The following ATP2C2 variants were observed in gnomAD, a reference collection of about 807,000 sequenced individuals.
ATP2C2 encodes ATPase secretory pathway Ca2+ transporting 2.
Under a neutral mutation model 110.8 loss-of-function variants are expected in ATP2C2, and 171 were observed. The ratio of observed to expected loss-of-function variants is 1.54; its 90% confidence interval spans 1.36 to 1.75. The LOEUF (loss-of-function observed/expected upper bound fraction) is 1.75. Ranked by LOEUF, ATP2C2 falls within the 40% of genes most tolerant of loss-of-function variation. ATP2C2 has a pLI of 0.00. For missense variants in ATP2C2, 1,963 were observed against 1,235.0 expected (o/e 1.59, Z -8.84); for synonymous variants, 804 against 508.4 (o/e 1.58, Z -7.82).
intron 11 of ATP2C2, among the ~76,000 whole-genome samples, chr16:84,438,140 G>T (rs1908911639): frequency 6.6e-6 from 1 of 152,154 alleles, no homozygotes; most frequent in African/African-American, 2.4e-5. Flanking sequence ...ATGGACATTT[G>T]GGTTGTCATA....
intron 3 of ATP2C2, among the ~76,000 whole-genome samples, chr16:84,405,741 G>A (rs969848963): frequency 3.9e-5 from 6 of 152,228 alleles, no homozygotes; most frequent in Middle Eastern, 3.4e-3. Flanking sequence ...CCAACATGGC[G>A]AAACCCCGTC....
chr16:84,370,370 C>A (rs1909881800), intron 1 of ATP2C2, among the ~76,000 whole-genome samples: 1 of 152,176 alleles, frequency 6.6e-6, no homozygotes, highest in African/African-American at 2.4e-5. Flanking sequence ...GCGGGTGATA[C>A]CAGCACTGAC....
chr16:84,408,467 G>T lies in ATP2C2; in HGVS notation c.390G>T (p.Glu130Asp), dbSNP rs2150523616. ...GSALVSVLTK[E>D]YEDAVSIATA... ...CCCTGGTGAGTGTCCTCACCAAGGA[G>T]TATGAGGACGCCGTCAGCATCGCCA... Residue 130 changes from glutamate (E) to aspartate (D), a missense_variant, in exon 4 of 27, where the codon GAG (glutamate) becomes GAT (aspartate). Physicochemically the swap from Glu to Asp is conservative, Grantham distance 45. Coordinates refer to ENST00000262429, the MANE Select transcript of ATP2C2 (RefSeq NM_014861.4). 3 of 1,613,616 alleles carry T rather than the reference G, an allele frequency of 1.9e-6. No homozygotes were observed. Among genetic ancestry groups the T allele is most frequent in the Non-Finnish European group, 2.5e-6 (3 of 1,179,968 alleles).
intron 2 of ATP2C2, chr16:84,404,689 C>G (rs1262504758): frequency 1.5e-5 from 5 of 337,508 alleles, no homozygotes; most frequent in Non-Finnish European, 2.9e-5. Flanking sequence ...GCCCCACTAG[C>G]AGTTCCTTTG....
chr16:84,429,144 TTTTGTTTG>T (rs201731171), intron 11 of ATP2C2, among the ~76,000 whole-genome samples: 1 of 106,126 alleles, frequency 9.4e-6, no homozygotes, highest in African/African-American at 3.4e-5. Flanking sequence ...GCGTTGTTTT[TTTTGTTTG>T]TTTGTTTGTT....
chr16:84,444,793 T>C (rs537207088), intron 15 of ATP2C2, among the ~76,000 whole-genome samples: 1 of 152,322 alleles, frequency 6.6e-6, no homozygotes, highest in African/African-American at 2.4e-5. Context: ...CTTAAGATTT[T>C]GGAATACAGA....
At chr16:84,412,905 G>T (rs1365986154) in intron 6 of ATP2C2, among the ~76,000 whole-genome samples, 2 of 151,446 alleles carry the variant, frequency 1.3e-5, no homozygotes, top group Admixed American at 6.6e-5. Flanking sequence ...AGACCAGCCT[G>T]GCCAACATGG....
At chr16:84,393,824 T>C (rs2151411659) in intron 1 of ATP2C2, among the ~76,000 whole-genome samples, 1 of 151,562 alleles carries the variant, frequency 6.6e-6, no homozygotes, top group Non-Finnish European at 1.5e-5. Flanking sequence ...TTCTAAGTGG[T>C]GGACGGAGTT....
At chr16:84,386,190 C>T (rs531882773) in intron 1 of ATP2C2, among the ~76,000 whole-genome samples, 1 of 152,154 alleles carries the variant, frequency 6.6e-6, no homozygotes, top group Non-Finnish European at 1.5e-5. Flanking sequence ...ATTTAGAAAG[C>T]AAGATCTGGT....
intron 11 of ATP2C2, among the ~76,000 whole-genome samples, chr16:84,426,288 G>C (rs1907810063): frequency 6.6e-6 from 1 of 152,044 alleles, no homozygotes; most frequent in East Asian, 1.9e-4. Context: ...GATCTCTCAG[G>C]AACTCACTCC....
chr16:84,406,302 A>G (rs1905761866), intron 3 of ATP2C2, among the ~76,000 whole-genome samples: 1 of 152,254 alleles, frequency 6.6e-6, no homozygotes, highest in African/African-American at 2.4e-5. Flanking sequence ...CCACCTTTGC[A>G]GGACCAGTTC....
intron 20 of ATP2C2, among the ~76,000 whole-genome samples, chr16:84,453,777 A>C (rs890075806): frequency 1.3e-5 from 2 of 152,186 alleles, no homozygotes; most frequent in Admixed American, 1.3e-4. Context: ...CATACAGTGA[A>C]AACTGGGAGC....
chr16:84,368,645 G>C lies in ATP2C2; in HGVS notation c.30G>C (p.Leu10=), dbSNP rs1400365202. 1 of 1,566,044 alleles carries C rather than the reference G, an allele frequency of 6.4e-7. No homozygotes were observed. The highest frequency in any genetic ancestry group is 8.6e-7 in the Non-Finnish European group (1 of 1,157,042). ...TCGAGGGACGCGTCTCCGAGTTCCT[G>C]AAGAAACTCGGCTTCTCGGGCGGGG... MVEGRVSEF[L]KKLGFSGGGR... Residue 10 remains leucine (L), a synonymous_variant, in exon 1 of 27, where the codon CTG becomes CTC. Transcript: ENST00000262429.
At position 84,451,903 on chromosome 16, in the gene ATP2C2, C is replaced by G; in HGVS notation, c.1661-18C>G. ...CTAAGCCCCCGGTGACCCCTCCTTA[C>G]TCCCCCTCTCTCCTCAGTGCTGGCC... On this transcript the variant is annotated intron_variant, in intron 17 of 26. Transcript: ENST00000262429. The G allele has an allele frequency of 6.2e-7, 1 of 1,604,358 alleles. No homozygotes were observed. The highest frequency in any genetic ancestry group is 8.5e-7 in the Non-Finnish European group (1 of 1,177,054).
chr16:84,420,893 C>T (rs896503743), intron 7 of ATP2C2, among the ~76,000 whole-genome samples: 8 of 152,146 alleles, frequency 5.3e-5, no homozygotes, highest in Non-Finnish European at 1.2e-4. Context: ...GCAACCTCCG[C>T]CTCCTGGGTT....
chr16:84,433,691 C>A (rs1377841771), intron 11 of ATP2C2, among the ~76,000 whole-genome samples: 1 of 105,390 alleles, frequency 9.5e-6, no homozygotes, highest in Non-Finnish European at 2.1e-5. Context: ...AAAACACACA[C>A]ACACACACAC....
intron 16 of ATP2C2, 143 bp from the exon 17 acceptor site, chr16:84,448,390 G>A (rs1909952498): frequency 1.3e-5 from 14 of 1,072,218 alleles, no homozygotes; most frequent in South Asian, 3.8e-5. Flanking sequence ...TCCAGCACCT[G>A]TGAACAGCAC....
intron 12 of ATP2C2, 39 bp downstream of exon 12, chr16:84,439,329 T>C (rs766441764): frequency 9.9e-6 from 16 of 1,613,496 alleles, no homozygotes; most frequent in South Asian, 8.8e-5. Flanking sequence ...ACACGTGGAA[T>C]TGAATGGGGG....
In ATP2C2 at chr16:84,459,439, T is replaced by C. The variant is rs935722447; in HGVS notation, c.2333+53T>C. 4 of 1,604,076 alleles carry C rather than the reference T, an allele frequency of 2.5e-6. No individual in the cohort carries two copies. In the African/African-American group the frequency reaches 5.4e-5, roughly 21 times the overall value. ...TGTCTCTTTACCCACCTGCGGGGCT[T>C]CCTCCAGGGGCTGCTGGCTGTGCCC... is the stretch of plus-strand genomic sequence containing the variant. On this transcript the variant is annotated intron_variant, in intron 23 of 26. Coordinates refer to ENST00000262429, the MANE Select transcript of ATP2C2 (RefSeq NM_014861.4).
Sources: allele counts gnomAD v4.1 joint callset (sites outside exome capture counted in the v4.1 genomes callset), GRCh38; gene constraint gnomAD v4.1.1; transcripts MANE v1.5; gene names NCBI Gene and HGNC (gene_info 2026-07-23, HGNC 2026-07-21).